FARP1: variants seen among roughly 807,000 people sequenced by gnomAD.
FARP1 encodes FERM, ARH/RhoGEF and pleckstrin domain protein 1.
Under a neutral mutation model 128.8 loss-of-function variants are expected in FARP1, and 52 were observed. The ratio of observed to expected loss-of-function variants is 0.40; its 90% CI spans 0.32 to 0.51. FARP1 has a LOEUF of 0.51. Ranked by LOEUF, FARP1 falls within the 20% of genes least tolerant of loss-of-function variation. The pLI is 0.45. For missense variants in FARP1, 1,333 were observed against 1,367.9 expected (o/e 0.97, Z 0.40); for synonymous variants, 580 against 551.8 (o/e 1.05, Z -0.72).
At chr13:98,367,270 C>A (rs1239021677) in intron 4 of FARP1, among the ~76,000 whole-genome samples, 1 of 152,106 alleles carries the variant, frequency 6.6e-6, no homozygotes, top group Admixed American at 6.5e-5. Context: ...GAGTCTCATG[C>A]CTCAGCCTCC....
chr13:98,307,554 G>C (rs1886222531), intron 2 of FARP1, among the ~76,000 whole-genome samples: 2 of 152,118 alleles, frequency 1.3e-5, no homozygotes, highest in African/African-American at 4.8e-5. Context: ...TCGAGTCTTT[G>C]AGATTTCCAC....
intron 1 of FARP1, among the ~76,000 whole-genome samples, chr13:98,205,384 A>G (rs1566738260): frequency 6.6e-6 from 1 of 151,438 alleles, no homozygotes; most frequent in Non-Finnish European, 1.5e-5. Flanking sequence ...TCTGTCTTCC[A>G]TATCTATCAG....
chr13:98,281,936 T>C (rs111780034), intron 2 of FARP1, among the ~76,000 whole-genome samples: 14 of 152,190 alleles, frequency 9.2e-5, no homozygotes, highest in African/African-American at 3.4e-4. Context: ...CCGTGGGGCA[T>C]GAACCTCTGA....
intron 2 of FARP1, among the ~76,000 whole-genome samples, chr13:98,228,659 CAG>C (rs1351989287): frequency 6.6e-6 from 1 of 152,192 alleles, no homozygotes; most frequent in Non-Finnish European, 1.5e-5. Context: ...CCCCGGTTGC[CAG>C]AGTGTTTCTT....
intron 2 of FARP1, among the ~76,000 whole-genome samples, chr13:98,340,063 A>T (rs1314138831): frequency 6.6e-6 from 1 of 151,316 alleles, no homozygotes; most frequent in South Asian, 2.1e-4. Flanking sequence ...GTCCATAAAG[A>T]CATCCACTGT....
At chr13:98,200,633 G>T (rs1257837145) in intron 1 of FARP1, among the ~76,000 whole-genome samples, 2 of 152,120 alleles carry the variant, frequency 1.3e-5, no homozygotes, top group African/African-American at 2.4e-5. Context: ...TAGCACTTAC[G>T]CAAGAAAAGT....
intron 1 of FARP1, among the ~76,000 whole-genome samples, chr13:98,162,708 T>C (rs1876972927): frequency 1.3e-5 from 2 of 152,210 alleles, no homozygotes; most frequent in African/African-American, 4.8e-5. Flanking sequence ...GTCTCTCTCA[T>C]GTCCAGGCCT....
intron 2 of FARP1, among the ~76,000 whole-genome samples, chr13:98,278,991 A>ATTTTTTTT (rs1159451553): frequency 8.4e-4 from 111 of 132,098 alleles, no homozygotes; most frequent in Non-Finnish European, 1.4e-3. Flanking sequence ...ACGCCCTGCT[A>ATTTTTTTT]ATTTTTTTTT....
chr13:98,443,188 T>C (rs972716132), intron 24 of FARP1, among the ~76,000 whole-genome samples: 2 of 152,232 alleles, frequency 1.3e-5, no homozygotes, highest in Non-Finnish European at 2.9e-5. Context: ...GTTTTGCCCC[T>C]TGGCCTGCAA....
At chr13:98,169,839 G>C (rs778049130) in intron 1 of FARP1, among the ~76,000 whole-genome samples, 1 of 151,592 alleles carries the variant, frequency 6.6e-6, no homozygotes, top group Non-Finnish European at 1.5e-5. Context: ...ATTTAGTCTG[G>C]AGACCATTGT....
intron 16 of FARP1, among the ~76,000 whole-genome samples, chr13:98,421,164 G>C (rs924029185): frequency 3.7e-4 from 56 of 152,252 alleles, no homozygotes; most frequent in African/African-American, 1.3e-3. Context: ...TGCCAACCCA[G>C]AGCCTTCTCT....
intron 2 of FARP1, among the ~76,000 whole-genome samples, chr13:98,287,533 G>A (rs561819128): frequency 1.4e-4 from 22 of 151,804 alleles, no homozygotes; most frequent in East Asian, 7.8e-4. Context: ...CAGCCAAGAC[G>A]TGTCTTTACC....
chr13:98,170,244 C>T lies in FARP1; in HGVS notation c.-24+26752C>T, dbSNP rs565685314. On this transcript the variant is annotated intron_variant, in intron 1 of 26. Transcript: ENST00000319562. ...TGTCACCCAGGCTGGAGTGCAGTGG[C>T]GCGATCTCAGATCATTGCAACCTCT... Among the ~76,000 whole-genome samples the T allele has an allele frequency of 1.8e-3, 279 of 152,190 alleles. 1 individual carries two copies. The highest frequency in any genetic ancestry group is 5.9e-3 in the African/African-American group (244 of 41,522).
chr13:98,295,090 CACACACACACACACATATAT>C lies in FARP1; in HGVS notation c.172-48671_172-48652del, dbSNP rs1368366811. 9.9e-5 allele frequency among the ~76,000 whole-genome samples: 8 copies of C among 80,836 alleles called. 2 individuals are homozygous for C. Among genetic ancestry groups the C allele is most frequent in the East Asian group, 6.7e-4 (2 of 2,972 alleles). The allele number at this position is 80,836 out of a possible 152,430, so 53.0% of individuals were successfully genotyped here. The stretch of plus-strand genomic sequence containing the variant: ...ACACACACACACACACACACACACA[CACACACACACACACATATAT>C]CCCCAGGCATTATTTATTTATTTAT... On this transcript the variant is annotated intron_variant, in intron 2 of 26. Transcript: ENST00000319562.
chr13:98,343,753 T>C lies in FARP1; in HGVS notation c.172-9T>C, dbSNP rs1048946841. ...CCTCAGGGATAACCCCTGTTGTTTC[T>C]GCTCACAGCAAAGAGCTCCTGGGAA... On this transcript the variant is annotated splice_polypyrimidine_tract_variant and intron_variant, in intron 2 of 26. Coordinates refer to ENST00000319562, the MANE Select transcript of FARP1 (RefSeq NM_005766.4). The C allele has an allele frequency of 6.2e-7, 1 of 1,605,674 alleles. No homozygotes were observed.
chr13:98,354,224 G>T (rs1440988936), intron 3 of FARP1, among the ~76,000 whole-genome samples: 2 of 152,172 alleles, frequency 1.3e-5, no homozygotes, highest in African/African-American at 2.4e-5. Flanking sequence ...TTGTAGTTTG[G>T]TTTGCAGATC....
chr13:98,295,102 CACATATAT>C (rs1885624213), intron 2 of FARP1, among the ~76,000 whole-genome samples: 1 of 25,020 alleles, frequency 4.0e-5, no homozygotes, highest in African/African-American at 1.3e-4. Context: ...CACACACACA[CACATATAT>C]CCCCAGGCAT....
At chr13:98,240,146 G>A (rs1320452669) in intron 2 of FARP1, among the ~76,000 whole-genome samples, 4 of 152,196 alleles carry the variant, frequency 2.6e-5, no homozygotes, top group Non-Finnish European at 5.9e-5. Context: ...GGACGCCTGT[G>A]GCCAGTGGCT....
chr13:98,242,492 A>G (rs9513379), intron 2 of FARP1, among the ~76,000 whole-genome samples: 61,296 of 151,976 alleles, frequency 0.4, 12,823 homozygotes, highest in South Asian at 0.54. Flanking sequence ...CCTGGGCAAC[A>G]TAGTGAGACC....
Sources: allele counts gnomAD v4.1 joint callset (sites outside exome capture counted in the v4.1 genomes callset), GRCh38; gene constraint gnomAD v4.1.1; transcripts MANE v1.5; gene names NCBI Gene and HGNC (gene_info 2026-07-23, HGNC 2026-07-21).